Variants in COL6A3 observed in about 807,000 individuals in gnomAD.
COL6A3 encodes collagen type VI alpha 3 chain.
A neutral mutation model predicts 274.1 loss-of-function variants in COL6A3; 137 were observed. The ratio of observed to expected loss-of-function variants is 0.50; its 90% CI spans 0.44 to 0.58. The LOEUF is 0.58. Among genes scored for constraint, COL6A3 ranks in the 20% least tolerant of loss-of-function variants. The pLI is 0.00. For synonymous variants in COL6A3, 1,650 were observed against 1,650.6 expected, an observed-to-expected ratio of 1.00 and a Z score of 0.01; for missense variants, 3,950 against 4,124.9, an observed-to-expected ratio of 0.96 and a Z score of 1.16.
chr2:237,359,911 G>A (rs2077397344), intron 17 of COL6A3, among the ~76,000 whole-genome samples, 177 bp downstream of exon 17: 1 of 152,194 alleles, frequency 6.6e-6, no homozygotes, highest in African/African-American at 2.4e-5. Context: ...CCCACCAGCT[G>A]CAGCCCCTGC....
In COL6A3 at chr2:237,387,882, C is replaced by A. The variant is rs369034667; in HGVS notation, c.1012G>T (p.Gly338Trp). Residue 338 changes from glycine (G) to tryptophan (W), a missense_variant, in exon 4 of 44, where the codon GGG (glycine) becomes TGG (tryptophan). Physicochemically the swap from Gly to Trp is radical, Grantham distance 184. Around this residue, in one of 5 missense-constraint regions of COL6A3, gnomAD observed 1,934 missense variants for 1,984.3 expected, o/e 0.97. Transcript: ENST00000295550. ...FVVENHFTRA[G>W]GSRVEEGVPQ... is the part of the protein sequence containing the mutation. ...ACCCCTTCCTCCACGCGGCTGCCCC[C>A]TGCCCGGGTGAAGTGGTTCTCCACC... is the stretch of plus-strand genomic sequence containing the variant. 6.8e-6 allele frequency: 11 copies of A among 1,614,012 alleles called. No homozygotes were observed. The highest frequency in any genetic ancestry group is 9.3e-6 in the Non-Finnish European group (11 of 1,180,004).
intron 21 of COL6A3, 111 bp downstream of exon 21, chr2:237,358,410 T>C: frequency 5.5e-6 from 5 of 909,950 alleles, no homozygotes; most frequent in Non-Finnish European, 9.1e-6. Context: ...ACATATTTTA[T>C]CAACGTGTTT....
Position 237,371,607 on chromosome 2 carries a change from A to AC in COL6A3, c.4285+124dup. 5 of 1,494,252 alleles carry AC rather than the reference A, an allele frequency of 3.3e-6. No individual in the cohort carries two copies. Among genetic ancestry groups the AC allele is most frequent in the Non-Finnish European group, 4.4e-6 (5 of 1,129,146 alleles). The allele number at this position is 1,494,252 out of a possible 1,614,324, so 92.6% of individuals were successfully genotyped here. ...AGCCAGACCCTGTCTCAAAATAAAAACCATAAAGGTAAGGGCATACAACCT... is the reference window on the plus strand; with the variant it reads ...AGCCAGACCCTGTCTCAAAATAAAAACCCATAAAGGTAAGGGCATACAACCT... On this transcript the variant is annotated intron_variant, in intron 9 of 43. Transcript: ENST00000295550. This position sits in a 1 kb window ranked among gnomAD's most constrained non-coding sequence, Gnocchi z 4.3.
At position 237,363,306 on chromosome 2, in the gene COL6A3, T is replaced by G; in HGVS notation, c.6010A>C (p.Arg2004=). 1.2e-6 allele frequency: 2 copies of G among 1,614,086 alleles called. No individual in the cohort carries two copies. The highest frequency in any genetic ancestry group is 1.7e-6 in the Non-Finnish European group (2 of 1,180,022). The change falls in exon 14 of 44, where the codon AGG becomes CGG. Residue 2004 remains arginine (R), a synonymous_variant. Coordinates refer to ENST00000295550, the MANE Select transcript of COL6A3 (RefSeq NM_004369.4). ...LEFGRGFMYD[R]PLRLNLLDLD... is the part of the protein sequence containing the mutation. ...TCCAGCAAGTTAAGCCTCAGGGGCC[T>G]GTCATACATAAACCCTCGCCCAAAC...
At chr2:237,331,294 T>C (rs1378494232) in intron 42 of COL6A3, among the ~76,000 whole-genome samples, 1 of 152,054 alleles carries the variant, frequency 6.6e-6, no homozygotes, top group African/African-American at 2.4e-5. Flanking sequence ...TCATTGTCAC[T>C]CCTTTTCCTA....
chr2:237,388,507 C>T (rs1293946501), intron 3 of COL6A3, among the ~76,000 whole-genome samples: 1 of 152,156 alleles, frequency 6.6e-6, no homozygotes, highest in African/African-American at 2.4e-5. Flanking sequence ...GAAATTTCCA[C>T]TAAATTTGGA....
chr2:237,376,788 G>A lies in COL6A3; in HGVS notation c.3054C>T (p.Asn1018=), dbSNP rs34367758. ...CTACCATACCTGGTGCTGGTGCTCC[G>A]TTGTGCACTGATTTTAAGAGATTCA... The part of the protein sequence containing the change: ...QIVNLLKSVH[N]GAPAPVSGEK... The change falls in exon 7 of 44, where the codon AAC becomes AAT. Residue 1018 remains asparagine, a synonymous_variant. Coordinates refer to ENST00000295550, the MANE Select transcript of COL6A3 (RefSeq NM_004369.4). 2.5e-3 allele frequency: 3,967 copies of A among 1,614,000 alleles called. 81 individuals carry two copies. In the African/African-American group the frequency reaches 0.045, roughly 18 times the overall value.
Position 237,371,493 on chromosome 2 carries a change from G to A in COL6A3, c.4285+239C>T, listed in dbSNP as rs905412242. On this transcript the variant is annotated intron_variant, in intron 9 of 43. Transcript: ENST00000295550. This position sits in a 1 kb window ranked among gnomAD's most constrained non-coding sequence, Gnocchi z 4.3. ...TGAACCTGTAGTCCTAGCTACTGAG[G>A]AGGCTGAAGTGGGAGGTTGGCTGGA... 2 of 746,696 alleles carry A rather than the reference G, an allele frequency of 2.7e-6. No homozygotes were observed. The highest frequency in any genetic ancestry group is 3.5e-5 in the African/African-American group (2 of 56,542). The allele number at this position is 746,696 out of a possible 1,614,324, so 46.3% of individuals were successfully genotyped here. A position where few individuals can be genotyped will look rare whatever the true frequency, so the allele number is the denominator to read the frequency against.
At chr2:237,375,864 ATTTGTGTTAC>A (rs2077825635) in intron 7 of COL6A3, among the ~76,000 whole-genome samples, 1 of 152,184 alleles carries the variant, frequency 6.6e-6, no homozygotes, top group Admixed American at 6.5e-5. Flanking sequence ...TGGCCACTAA[ATTTGTGTTAC>A]TTTGTTATAA....
chr2:237,339,201 A>C, intron 38 of COL6A3, 84 bp from the exon 39 acceptor site: 1 of 934,424 alleles, frequency 1.1e-6, no homozygotes, highest in Non-Finnish European at 1.7e-6. Context: ...AGTTAAATGA[A>C]TCACATAACA....
chr2:237,368,615 G>A lies in COL6A3; in HGVS notation c.4848C>T (p.Ser1616=), dbSNP rs200948078. The change falls in exon 10 of 44, where the codon TCC becomes TCT. Residue 1616 remains serine (S), a synonymous_variant. Coordinates refer to ENST00000295550, the MANE Select transcript of COL6A3 (RefSeq NM_004369.4). The surrounding 1 kb of genome is among the most constrained non-coding windows in gnomAD (Gnocchi z 4.4). ...CCCCTGGAGGTGCAGGAGTGGCTGC[G>A]GAGGGTCCAAACGAGTTCATGATTC... ...EERIMNSFGP[S]AATPAPPGVD... The A allele has an allele frequency of 7.1e-5, 115 of 1,613,980 alleles. No individual in the cohort carries two copies. Among genetic ancestry groups the A allele is most frequent in the East Asian group, 4.5e-4 (20 of 44,884 alleles).
chr2:237,341,188 C>T, intron 37 of COL6A3, 38 bp from the exon 38 acceptor site: 1 of 1,561,496 alleles, frequency 6.4e-7, no homozygotes, highest in Non-Finnish European at 8.8e-7. Flanking sequence ...TTCTGTGACA[C>T]CCACAGCAGG....
chr2:237,336,098 T>C, intron 40 of COL6A3, 37 bp downstream of exon 40: 1 of 1,612,090 alleles, frequency 6.2e-7, no homozygotes, highest in Non-Finnish European at 8.5e-7. Flanking sequence ...GAAATGAGGA[T>C]GTCACAAGAT....
chr2:237,370,149 G>A (rs187067253), intron 9 of COL6A3, among the ~76,000 whole-genome samples: 185 of 150,378 alleles, frequency 1.2e-3, no homozygotes, highest in Non-Finnish European at 1.8e-3. Flanking sequence ...GGCATGAGCC[G>A]CCATGCCCAG....
chr2:237,394,581 C>T lies in COL6A3; in HGVS notation c.709+6G>A. ...GCAGGGCGTAGCTTGGTGGCGTTGC[C>T]ATTACCTGTGATGTCTTTAAGGGTT... On this transcript the variant is annotated splice_donor_region_variant and intron_variant, in intron 3 of 43. Coordinates refer to ENST00000295550, the MANE Select transcript of COL6A3 (RefSeq NM_004369.4). The T allele has an allele frequency of 6.2e-7, 1 of 1,613,886 alleles. No homozygotes were observed. The highest frequency in any genetic ancestry group is 8.5e-7 in the Non-Finnish European group (1 of 1,180,016).
chr2:237,344,283 G>A lies in COL6A3; in HGVS notation c.7668+67C>T, dbSNP rs539455214. On this transcript the variant is annotated intron_variant, in intron 36 of 43. Transcript: ENST00000295550. The surrounding 1 kb of genome is among the most constrained non-coding windows in gnomAD (Gnocchi z 4.8). ...CATGAAGCCACAAAGGAGCATGGAC[G>A]TGTCTGAGAACCTTCTCAGAGCCCC... The A allele has an allele frequency of 1.4e-5, 23 of 1,610,574 alleles. No homozygotes were observed. The highest frequency in any genetic ancestry group is 1.3e-4 in the East Asian group (6 of 44,872).
intron 31 of COL6A3, 151 bp downstream of exon 31, chr2:237,347,656 T>C: frequency 2.5e-6 from 2 of 794,248 alleles, no homozygotes; most frequent in East Asian, 2.7e-5. Flanking sequence ...CCTGAGGACA[T>C]TGGTCTGGGG....
In COL6A3 at chr2:237,371,534, G is replaced by A. The variant is rs2077686328; in HGVS notation, c.4285+198C>T. On this transcript the variant is annotated intron_variant, in intron 9 of 43. Transcript: ENST00000295550. This position sits in a 1 kb window ranked among gnomAD's most constrained non-coding sequence, Gnocchi z 4.3. The stretch of plus-strand genomic sequence containing the variant: ...GTTGGCTGGATCCCAGAAGGCAGAG[G>A]TTAAAATGAGTTATGATCATGCCAC... 2 of 1,239,726 alleles carry A rather than the reference G, an allele frequency of 1.6e-6. No individual in the cohort carries two copies. The highest frequency in any genetic ancestry group is 3.0e-5 in the African/African-American group (2 of 66,034). 76.8% of individuals were successfully genotyped at this position (1,239,726 alleles called of 1,614,324 possible).
chr2:237,334,508 T>TTGC, intron 41 of COL6A3, 118 bp downstream of exon 41: 1 of 1,147,772 alleles, frequency 8.7e-7, no homozygotes, highest in Non-Finnish European at 1.3e-6. Flanking sequence ...GTTGCTGTTG[T>TTGC]TGTTTTTTGA....
Sources: allele counts gnomAD v4.1 joint callset (sites outside exome capture counted in the v4.1 genomes callset), GRCh38; gene constraint gnomAD v4.1.1; regional missense constraint gnomAD v4.1.1; non-coding constraint Gnocchi (gnomAD v3.1); transcripts MANE v1.5; gene names NCBI Gene and HGNC (gene_info 2026-07-23, HGNC 2026-07-21).